Variants in NFU1 observed in about 807,000 individuals in gnomAD.
The protein encoded by NFU1 is NFU1 iron-sulfur cluster scaffold homolog, mitochondrial.
In NFU1, 30 loss-of-function variants were observed where a neutral mutation model predicts 32.2. That is an observed-to-expected ratio of 0.93 (90% CI 0.70 to 1.26). The LOEUF (loss-of-function observed/expected upper bound fraction) is 1.26. NFU1 is among the 50% of genes most tolerant of loss of function. The pLI, the probability that NFU1 is intolerant of heterozygous loss-of-function variation, is 0.00. For missense variants in NFU1, 306 were observed against 306.6 expected (o/e 1.00, Z 0.02); for synonymous variants, 112 against 104.6 (o/e 1.07, Z -0.43).
intron 2 of NFU1, among the ~76,000 whole-genome samples, chr2:69,430,379 AT>A (rs1673599718): frequency 6.6e-6 from 1 of 151,816 alleles, no homozygotes; most frequent in South Asian, 2.1e-4. Context: ...AGCCCAGATA[AT>A]TTTTGTATTT....
At chr2:69,412,613 C>T (rs1018246396) in intron 5 of NFU1, among the ~76,000 whole-genome samples, 1 of 151,942 alleles carries the variant, frequency 6.6e-6, no homozygotes, top group Non-Finnish European at 1.5e-5. Context: ...TCTCGAACTC[C>T]TGACCTCGTG....
chr2:69,432,026 T>C (rs1195663887), intron 1 of NFU1, 21 bp from the exon 2 acceptor site: 3 of 1,490,040 alleles, frequency 2.0e-6, no homozygotes, highest in Non-Finnish European at 1.9e-6. Flanking sequence ...AAGCACATAA[T>C]GAATGACATT....
chr2:69,439,244 T>C (rs1319764443), upstream of NFU1, among the ~76,000 whole-genome samples: 2 of 151,698 alleles, frequency 1.3e-5, no homozygotes, highest in Admixed American at 1.3e-4. Context: ...CCACAGCCTC[T>C]GTGCTACTGT....
chr2:69,424,215 A>C (rs528151312), intron 2 of NFU1, among the ~76,000 whole-genome samples: 2 of 137,054 alleles, frequency 1.5e-5, no homozygotes, highest in African/African-American at 5.8e-5. Flanking sequence ...ATATATATAT[A>C]TATATCTCAA....
At position 69,414,618 on chromosome 2, in the gene NFU1, TAAAAAAAA is replaced by T. The variant is rs57180785; in HGVS notation, c.484+559_484+566del. On this transcript the variant is annotated intron_variant, in intron 5 of 7. Coordinates refer to ENST00000410022, the MANE Select transcript of NFU1 (RefSeq NM_001002755.4). ...GGGTGACAGAGTGAGAGTCTGTCTC[TAAAAAAAA>T]AAAAAAAAAAAAAAAACAGAGATTT... Among the ~76,000 whole-genome samples the T allele has an allele frequency of 3.7e-5, 3 of 81,216 alleles. No individual in the cohort carries two copies. In the Admixed American group the frequency reaches 4.4e-4, roughly 12 times the overall value. 53.3% of individuals were successfully genotyped at this position (81,216 alleles called of 152,430 possible). A position where few individuals can be genotyped will look rare whatever the true frequency, so the allele number is the denominator to read the frequency against.
rs1457318637 is a variant in NFU1, at chr2:69,430,623, A to G, written c.166+1279T>C. Among the ~76,000 whole-genome samples the G allele has an allele frequency of 3.3e-5, 5 of 152,176 alleles. No homozygotes were observed. In the East Asian group the frequency reaches 9.6e-4, roughly 29 times the overall value. On this transcript the variant is annotated intron_variant, in intron 2 of 7. Transcript: ENST00000410022. The stretch of plus-strand genomic sequence containing the variant: ...AAGTCAATATCAATGACTAAAATTA[A>G]TGGGTTTCCTATTTGAAAAGCCTAT...
chr2:69,427,679 CA>C (rs35639734), intron 2 of NFU1, among the ~76,000 whole-genome samples: 14,235 of 61,692 alleles, frequency 0.23, 690 homozygotes, highest in Non-Finnish European at 0.26. Flanking sequence ...CACTCAGTCT[CA>C]AAAAAAAAAA....
chr2:69,437,407 T>G lies in NFU1; in HGVS notation c.16A>C (p.Arg6=), dbSNP rs761475695. The G allele has an allele frequency of 4.3e-6, 7 of 1,610,682 alleles. No homozygotes were observed. Among genetic ancestry groups the G allele is most frequent in the Admixed American group, 1.7e-5 (1 of 59,930 alleles). Residue 6 remains arginine, a synonymous_variant, in exon 1 of 8, where the codon AGG becomes CGG. Coordinates refer to ENST00000410022, the MANE Select transcript of NFU1 (RefSeq NM_001002755.4). MAATA[R]RGWGAAAVAA... The stretch of plus-strand genomic sequence containing the variant: ...ACAGCCGCAGCTCCCCAGCCCCGCC[T>G]GGCCGTCGCCGCCATCTTAGTCCGG...
At chr2:69,432,645 A>G (rs898925732) in intron 1 of NFU1, among the ~76,000 whole-genome samples, 2 of 152,086 alleles carry the variant, frequency 1.3e-5, no homozygotes, top group African/African-American at 4.8e-5. Flanking sequence ...TCTTGGTTAT[A>G]CAGGAAGGAA....
intron 5 of NFU1, among the ~76,000 whole-genome samples, chr2:69,406,874 T>A (rs1355505742): frequency 6.6e-6 from 1 of 152,190 alleles, no homozygotes; most frequent in Non-Finnish European, 1.5e-5. Context: ...GGGAGGTAAC[T>A]GAATCATGGG....
chr2:69,427,491 C>A lies in NFU1; in HGVS notation c.167-3774G>T, dbSNP rs530035219. ...GGTCAGGAGTTTGAAACCAGCCTAGCCAACATGGTGAAAACCCATCTCTAC... is the reference window on the plus strand; with the variant it reads ...GGTCAGGAGTTTGAAACCAGCCTAGACAACATGGTGAAAACCCATCTCTAC... On this transcript the variant is annotated intron_variant, in intron 2 of 7. Transcript: ENST00000410022. Among the ~76,000 whole-genome samples the A allele has an allele frequency of 2.0e-5, 3 of 151,684 alleles. No individual in the cohort carries two copies. The South Asian group carries it at 6.2e-4, about 32-fold the overall frequency.
intron 3 of NFU1, among the ~76,000 whole-genome samples, chr2:69,423,071 G>C (rs1673297897): frequency 6.6e-6 from 1 of 151,838 alleles, no homozygotes; most frequent in Non-Finnish European, 1.5e-5. Context: ...CAACCTCCCA[G>C]GCTCAAGCGA....
At chr2:69,425,965 T>C (rs1427336494) in intron 2 of NFU1, among the ~76,000 whole-genome samples, 2 of 152,158 alleles carry the variant, frequency 1.3e-5, no homozygotes, top group African/African-American at 2.4e-5. Flanking sequence ...CCTGGAATAT[T>C]TAAAAGATAT....
intron 6 of NFU1, among the ~76,000 whole-genome samples, chr2:69,402,184 T>G (rs1205948816): frequency 6.6e-6 from 1 of 152,152 alleles, no homozygotes; most frequent in Non-Finnish European, 1.5e-5. Context: ...TGTCAGCCAC[T>G]GCGCCCAGCC....
At chr2:69,406,991 C>T (rs1308223599) in intron 5 of NFU1, among the ~76,000 whole-genome samples, 3 of 152,036 alleles carry the variant, frequency 2.0e-5, no homozygotes, top group African/African-American at 7.3e-5. Context: ...TTCTTGTTGC[C>T]GTCATGTGAA....
chr2:69,412,949 A>C (rs551282735), intron 5 of NFU1, among the ~76,000 whole-genome samples: 2 of 152,178 alleles, frequency 1.3e-5, no homozygotes, highest in South Asian at 2.1e-4. Context: ...GTAAATGGCC[A>C]ATAAACATAT....
At position 69,419,571 on chromosome 2, in the gene NFU1, G is replaced by C; in HGVS notation, c.336C>G (p.Val112=). ...CAGTGATGAAATCTGGTCCAAAGAA[G>C]ACACTTTTTACTCCTTCAATCCTAA... The part of the protein sequence containing the change: ...QLFRIEGVKS[V]FFGPDFITVT... Residue 112 remains valine (V), a synonymous_variant, in exon 4 of 8, where the codon GTC becomes GTG. Transcript: ENST00000410022. 1 of 1,592,674 alleles carries C rather than the reference G, an allele frequency of 6.3e-7. No individual in the cohort carries two copies.
intron 7 of NFU1, among the ~76,000 whole-genome samples, chr2:69,398,620 T>C (rs1672413163): frequency 6.6e-6 from 1 of 152,208 alleles, no homozygotes; most frequent in African/African-American, 2.4e-5. Context: ...ACTTCAATTG[T>C]CCTACACATA....
At chr2:69,408,993 C>T (rs534354437) in intron 5 of NFU1, among the ~76,000 whole-genome samples, 2 of 151,190 alleles carry the variant, frequency 1.3e-5, no homozygotes, top group East Asian at 3.9e-4. Context: ...GTGCCTGCCA[C>T]CACACCTGGC....
Sources: allele counts gnomAD v4.1 joint callset (sites outside exome capture counted in the v4.1 genomes callset), GRCh38; gene constraint gnomAD v4.1.1; transcripts MANE v1.5; gene names NCBI Gene and HGNC (gene_info 2026-07-23, HGNC 2026-07-21).